ITGAX: variants seen among roughly 807,000 people sequenced by gnomAD.
ITGAX encodes the protein integrin subunit alpha X.
In ITGAX, 99 loss-of-function variants were observed where a neutral mutation model predicts 140.2. The ratio of observed to expected loss-of-function variants is 0.71; its 90% CI spans 0.60 to 0.83. The LOEUF (loss-of-function observed/expected upper bound fraction) is 0.83. Ranked by LOEUF, ITGAX falls within the 40% of genes least tolerant of loss-of-function variation. ITGAX has a pLI of 0.00. For synonymous variants in ITGAX, 631 were observed against 600.4 expected (o/e 1.05, Z -0.75); for missense variants, 1,444 against 1,482.0 (o/e 0.97, Z 0.42).
intron 20 of ITGAX, among the ~76,000 whole-genome samples, chr16:31,374,117 C>T (rs1324976457): frequency 1.3e-5 from 2 of 152,146 alleles, no homozygotes; most frequent in East Asian, 3.9e-4. Flanking sequence ...GGTGAAACCC[C>T]ATCTCTACGA....
rs781654631 is a variant in ITGAX at position 31,357,126 on chromosome 16, G to T, written c.318+25G>T. ...GGTGAGTGGCCCTGGGTCACAGGAG[G>T]CTTCTGAGGGAGGGAGGGAGGAGCC... On this transcript the variant is annotated intron_variant, in intron 4 of 29. Transcript: ENST00000268296. 7.2e-5 allele frequency: 115 copies of T among 1,599,536 alleles called. 2 individuals carry two copies. Among genetic ancestry groups the T allele is most frequent in the East Asian group, 6.9e-4 (31 of 44,832 alleles).
chr16:31,359,791 G>A lies in ITGAX; in HGVS notation c.522G>A (p.Val174=). Residue 174 remains valine, a synonymous_variant, in exon 6 of 30, where the codon GTG becomes GTA. Transcript: ENST00000268296. ...SRNFATMMNF[V]RAVISQFQRP... ...ACTTTGCCACGATGATGAACTTCGT[G>A]AGAGCTGTGATAAGCCAGTTCCAGA... 1 of 1,614,164 alleles carries A rather than the reference G, an allele frequency of 6.2e-7. No individual in the cohort carries two copies. Among genetic ancestry groups the A allele is most frequent in the Non-Finnish European group, 8.5e-7 (1 of 1,180,038 alleles).
At chr16:31,381,207 T>A (rs762348457) in intron 29 of ITGAX, among the ~76,000 whole-genome samples, 200 bp downstream of exon 29, 2 of 152,178 alleles carry the variant, frequency 1.3e-5, no homozygotes, top group Non-Finnish European at 2.9e-5. Flanking sequence ...TATTTCTCCC[T>A]TTCTTTCCTG....
At position 31,363,176 on chromosome 16, in the gene ITGAX, G is replaced by A. The variant is rs2080854845; in HGVS notation, c.1512G>A (p.Trp504Ter). 1 of 1,610,816 alleles carries A rather than the reference G, an allele frequency of 6.2e-7. No homozygotes were observed. Among genetic ancestry groups the A allele is most frequent in the Non-Finnish European group, 8.5e-7 (1 of 1,178,560 alleles). ...CTTTTTTTCTGCAGTGGAGAAGGTG[G>A]TGGTGTGATGCTGTTCTCTACGGGG... is the stretch of plus-strand genomic sequence containing the variant. The part of the protein sequence containing the change: ...VCPLPRGWRR[W>*]WCDAVLYGEQ... The change falls in exon 14 of 30, where the codon TGG becomes TGA. Residue 504 changes from tryptophan (W) to a stop codon, truncating the protein, a stop_gained. Transcript: ENST00000268296. LOFTEE classifies it high-confidence loss of function.
chr16:31,372,121 C>T (rs530950563), intron 17 of ITGAX, among the ~76,000 whole-genome samples: 1 of 147,932 alleles, frequency 6.8e-6, no homozygotes, highest in Non-Finnish European at 1.5e-5. Context: ...CCCTGGGGGC[C>T]AGGGGCATAG....
intron 2 of ITGAX, chr16:31,356,376 CGCCTCA>C (rs2080760276): frequency 2.1e-6 from 1 of 475,804 alleles, no homozygotes; most frequent in African/African-American, 1.9e-5. Context: ...GCAATCCTCC[CGCCTCA>C]GCCTCCCAAA....
intron 11 of ITGAX, 116 bp downstream of exon 11, chr16:31,362,320 G>A (rs2080837905): frequency 1.4e-6 from 2 of 1,438,186 alleles, no homozygotes; most frequent in Admixed American, 3.8e-5. Flanking sequence ...CCAGGCTTCT[G>A]GGGAGGGAGG....
chr16:31,356,530 A>G (rs1286724708), intron 2 of ITGAX, 95 bp from the exon 3 acceptor site: 6 of 727,986 alleles, frequency 8.2e-6, no homozygotes, highest in Admixed American at 6.8e-5. Flanking sequence ...CAGATGAGGA[A>G]GCTGAGGCTC....
At chr16:31,377,473 C>T (rs1444175358) in intron 23 of ITGAX, among the ~76,000 whole-genome samples, 2 of 152,186 alleles carry the variant, frequency 1.3e-5, no homozygotes, top group South Asian at 2.1e-4. Flanking sequence ...ATTTTCCATA[C>T]ATTCATTTGA....
intron 2 of ITGAX, 90 bp downstream of exon 2, chr16:31,356,088 A>C: frequency 3.4e-6 from 3 of 878,536 alleles, no homozygotes; most frequent in East Asian, 2.6e-5. Flanking sequence ...TTATTTGCAA[A>C]CTCTCCTCTC....
intron 5 of ITGAX, chr16:31,357,655 G>A: frequency 2.2e-6 from 1 of 460,044 alleles, no homozygotes; most frequent in Non-Finnish European, 3.8e-6. Context: ...TCATGGCCAG[G>A]GGTTAGCACA....
rs2081057131 is a variant in ITGAX, at chr16:31,380,364, T to C, written c.3159T>C (p.Phe1053=). The change falls in exon 27 of 30, where the codon TTT becomes TTC. Residue 1053 remains phenylalanine, a synonymous_variant. Transcript: ENST00000268296. ...LDFTLKGNLS[F]GWVRQILQKK... is the part of the protein sequence containing the mutation. ...TCACCCTGAAGGGCAACCTCAGCTT[T>C]GGCTGGGTCCGCCAGGTGTGTGGGT... 6.2e-7 allele frequency: 1 copy of C among 1,614,134 alleles called. No homozygotes were observed.
chr16:31,372,617 T>C lies in ITGAX; in HGVS notation c.2313T>C (p.Cys771=). The change falls in exon 19 of 30, where the codon TGT becomes TGC. Residue 771 remains cysteine, a synonymous_variant. Transcript: ENST00000268296. Reference sequence around the variant, plus strand: ...CGCAGCTACCCTTTGAGAAGAACTGTGGAGCCGACCATATCTGCCAGGACA... The same window carrying C: ...CGCAGCTACCCTTTGAGAAGAACTGCGGAGCCGACCATATCTGCCAGGACA... ...FTASLPFEKN[C]GADHICQDNL... is the part of the protein sequence containing the mutation. 6.2e-7 allele frequency: 1 copy of C among 1,614,150 alleles called. No individual in the cohort carries two copies.
Position 31,381,893 on chromosome 16 carries a change from C to T in ITGAX, c.3478C>T (p.Pro1160Ser). The T allele has an allele frequency of 1.1e-6, 1 of 904,486 alleles. No homozygotes were observed. Among genetic ancestry groups the T allele is most frequent in the South Asian group, 1.3e-5 (1 of 77,118 alleles). The allele number at this position is 904,486 out of a possible 1,614,324, so 56.0% of individuals were successfully genotyped here. The stretch of plus-strand genomic sequence containing the variant: ...AAACGGGACACAGACCCCCAGCCCG[C>T]CCAGTGAGAAATGATCCCCTCTTTG... ...PENGTQTPSPPSEK is the reference protein window; with the variant it reads ...PENGTQTPSPSSEK Residue 1160 changes from proline to serine, a missense_variant, in exon 30 of 30, where the codon CCC becomes TCC. Coordinates refer to ENST00000268296, the MANE Select transcript of ITGAX (RefSeq NM_000887.5).
At chr16:31,373,137 AG>A in intron 19 of ITGAX, 111 bp from the exon 20 acceptor site, 3 of 731,308 alleles carry the variant, frequency 4.1e-6, no homozygotes, top group South Asian at 3.6e-5. Flanking sequence ...AGAAGAACCC[AG>A]GGGTCCGTCC....
intron 20 of ITGAX, among the ~76,000 whole-genome samples, chr16:31,376,372 G>A (rs1395448974): frequency 6.6e-6 from 1 of 152,172 alleles, no homozygotes; most frequent in Non-Finnish European, 1.5e-5. Context: ...TGTAATCCTA[G>A]TGTTTTGGGG....
rs770310963 is a variant in ITGAX, at chr16:31,372,407, T to C, written c.2190T>C (p.Ile730=). The change falls in exon 18 of 30, where the codon ATT becomes ATC. Residue 730 remains isoleucine (I), a synonymous_variant. Coordinates refer to ENST00000268296, the MANE Select transcript of ITGAX (RefSeq NM_000887.5). ...GCGTGGAGGACTCTGTGACCCCCAT[T>C]ACCTTGCGTCTGAACTTCACGCTGG... ...PSCVEDSVTP[I]TLRLNFTLVG... The C allele has an allele frequency of 2.5e-6, 4 of 1,609,106 alleles. No homozygotes were observed. The highest frequency in any genetic ancestry group is 3.3e-4 in the Middle Eastern group (2 of 6,016).
Position 31,372,527 on chromosome 16 carries a change from G to T in ITGAX, c.2292+18G>T. On this transcript the variant is annotated intron_variant, in intron 18 of 29. Transcript: ENST00000268296. ...CGGCCTCCGTGAGTCCTGGCACTGG[G>T]TCTCCCAGAGAGGGTGCACAGCGTG... 1.2e-6 allele frequency: 2 copies of T among 1,611,552 alleles called. No individual in the cohort carries two copies. The highest frequency in any genetic ancestry group is 1.7e-6 in the Non-Finnish European group (2 of 1,179,080).
Position 31,381,889 on chromosome 16 carries a change from C to G in ITGAX, c.3474C>G (p.Ser1158Arg). Reference sequence around the variant, plus strand: ...CAGAAAACGGGACACAGACCCCCAGCCCGCCCAGTGAGAAATGATCCCCTC... The same window carrying G: ...CAGAAAACGGGACACAGACCCCCAGGCCGCCCAGTGAGAAATGATCCCCTC... The part of the protein sequence containing the change: ...IAPENGTQTP[S>R]PPSEK The change falls in exon 30 of 30, where the codon AGC (serine) becomes AGG (arginine). Residue 1158 changes from serine to arginine, a missense_variant. Coordinates refer to ENST00000268296, the MANE Select transcript of ITGAX (RefSeq NM_000887.5). 1.1e-6 allele frequency: 1 copy of G among 898,264 alleles called. No homozygotes were observed. The highest frequency in any genetic ancestry group is 2.1e-4 in the Middle Eastern group (1 of 4,656). The allele number at this position is 898,264 out of a possible 1,614,324, so 55.6% of individuals were successfully genotyped here.
Sources: allele counts gnomAD v4.1 joint callset (sites outside exome capture counted in the v4.1 genomes callset), GRCh38; gene constraint gnomAD v4.1.1; transcripts MANE v1.5; gene names NCBI Gene and HGNC (gene_info 2026-07-23, HGNC 2026-07-21).